Variants in ODAD2 observed in about 807,000 individuals in gnomAD.
ODAD2 encodes the protein outer dynein arm-docking complex subunit 2.
Under a neutral mutation model 106.8 loss-of-function variants are expected in ODAD2, and 89 were observed. The ratio of observed to expected loss-of-function variants is 0.83; its 90% CI spans 0.70 to 0.99. The LOEUF (loss-of-function observed/expected upper bound fraction) is 0.99, where lower values mean the gene tolerates loss of function less well. Among genes scored for constraint, ODAD2 ranks in the 50% least tolerant of loss-of-function variants. The pLI, the probability that ODAD2 is intolerant of heterozygous loss-of-function variation, is 0.00. For missense variants in ODAD2, 1,168 were observed against 1,238.5 expected, an observed-to-expected ratio of 0.94 and a Z score of 0.85; for synonymous variants, 404 against 436.2, an observed-to-expected ratio of 0.93 and a Z score of 0.92.
At chr10:27,979,445 T>C (rs376635011) in intron 7 of ODAD2, among the ~76,000 whole-genome samples, 1 of 141,838 alleles carries the variant, frequency 7.1e-6, no homozygotes, top group Admixed American at 7.2e-5. Context: ...CACACACCCA[T>C]ACACACACAC....
chr10:27,948,779 A>ATTTTTTTTTTTTTT (rs11451204), intron 10 of ODAD2, among the ~76,000 whole-genome samples: 5 of 40,318 alleles, frequency 1.2e-4, no homozygotes, highest in African/African-American at 3.1e-4. Context: ...TGGCCTTTGG[A>ATTTTTTTTTTTTTT]TTTTTTTTTT....
chr10:27,898,913 TA>T (rs1843013029), intron 17 of ODAD2, among the ~76,000 whole-genome samples: 2 of 152,114 alleles, frequency 1.3e-5, no homozygotes, highest in South Asian at 4.1e-4. Context: ...AAACACACAT[TA>T]CAATTCGCTT....
intron 17 of ODAD2, among the ~76,000 whole-genome samples, chr10:27,906,573 T>C (rs1022988767): frequency 6.6e-6 from 1 of 152,192 alleles, no homozygotes. Context: ...TATATGTTTA[T>C]TGCAGCACTA....
chr10:27,917,856 T>C (rs1844507929), intron 16 of ODAD2, among the ~76,000 whole-genome samples: 1 of 151,848 alleles, frequency 6.6e-6, no homozygotes, highest in Non-Finnish European at 1.5e-5. Context: ...TTATAGAATC[T>C]ACAAAGATTA....
At chr10:27,975,167 A>G (rs537346751) in intron 7 of ODAD2, among the ~76,000 whole-genome samples, 4 of 152,260 alleles carry the variant, frequency 2.6e-5, no homozygotes, top group Non-Finnish European at 5.9e-5. Context: ...CTTGTTTTAT[A>G]TGCTCCAAGT....
At chr10:27,869,845 C>A (rs746493497) in intron 17 of ODAD2, among the ~76,000 whole-genome samples, 7 of 152,042 alleles carry the variant, frequency 4.6e-5, no homozygotes, top group Non-Finnish European at 1.0e-4. Flanking sequence ...GACCAAGTCA[C>A]TTCTAAGGGA....
intron 7 of ODAD2, among the ~76,000 whole-genome samples, chr10:27,972,365 A>G (rs1848918957): frequency 6.6e-6 from 1 of 152,184 alleles, no homozygotes; most frequent in Admixed American, 6.5e-5. Flanking sequence ...AAGGAAAAAA[A>G]CTACAAAGAA....
chr10:27,845,225 G>A (rs1838641640), intron 19 of ODAD2, among the ~76,000 whole-genome samples: 1 of 152,202 alleles, frequency 6.6e-6, no homozygotes, highest in African/African-American at 2.4e-5. Context: ...AGGATCTCTT[G>A]GCAGAAACTA....
intron 17 of ODAD2, among the ~76,000 whole-genome samples, chr10:27,902,579 G>A (rs1843290950): frequency 6.6e-6 from 1 of 151,868 alleles, no homozygotes; most frequent in African/African-American, 2.4e-5. Context: ...AAAGAGAGAA[G>A]AATCAAATAG....
intron 17 of ODAD2, among the ~76,000 whole-genome samples, chr10:27,871,721 G>T (rs183934422): frequency 0.015 from 2,357 of 152,240 alleles, 31 homozygotes; most frequent in Middle Eastern, 0.027. Context: ...CTATATCTCT[G>T]TTTTGGTACC....
chr10:27,938,989 G>T (rs1029350491), intron 14 of ODAD2, among the ~76,000 whole-genome samples: 2 of 152,088 alleles, frequency 1.3e-5, no homozygotes, highest in Non-Finnish European at 2.9e-5. Context: ...AGAAGCAGAC[G>T]TGCACAGTAA....
chr10:27,864,792 T>A (rs893181936), intron 17 of ODAD2, among the ~76,000 whole-genome samples: 1 of 152,108 alleles, frequency 6.6e-6, no homozygotes, highest in Non-Finnish European at 1.5e-5. Context: ...CTTTCTCAAA[T>A]AATAATAATT....
intron 16 of ODAD2, among the ~76,000 whole-genome samples, chr10:27,909,887 G>T (rs1162937791): frequency 2.1e-5 from 3 of 141,720 alleles, no homozygotes; most frequent in Non-Finnish European, 4.6e-5. Context: ...ACAAGAACAT[G>T]ATTGAAAAAC....
At chr10:27,959,084 C>A in intron 10 of ODAD2, 2 of 1,144,292 alleles carry the variant, frequency 1.7e-6, no homozygotes, top group Non-Finnish European at 2.3e-6. Flanking sequence ...TGCCTGTAAT[C>A]CCAGCACTTT....
intron 19 of ODAD2, among the ~76,000 whole-genome samples, chr10:27,827,688 T>C (rs1837176666): frequency 6.6e-6 from 1 of 152,234 alleles, no homozygotes; most frequent in East Asian, 1.9e-4. Context: ...TCTCTCTCCC[T>C]GGACGACTGC....
At chr10:27,925,262 T>A (rs1273627425) in intron 16 of ODAD2, among the ~76,000 whole-genome samples, 4 of 152,110 alleles carry the variant, frequency 2.6e-5, no homozygotes, top group Non-Finnish European at 5.9e-5. Flanking sequence ...TTAATAGGAA[T>A]AAGAAAAAAA....
intron 17 of ODAD2, among the ~76,000 whole-genome samples, chr10:27,885,559 T>A (rs1244732275): frequency 1.9e-4 from 3 of 15,660 alleles, no homozygotes; most frequent in Non-Finnish European, 3.6e-4. Context: ...AATATATAAA[T>A]ATAAATATAT....
At chr10:27,821,781 T>C (rs186478730) in intron 19 of ODAD2, among the ~76,000 whole-genome samples, 3 of 152,346 alleles carry the variant, frequency 2.0e-5, no homozygotes, top group African/African-American at 7.2e-5. Context: ...TTTTTATCTA[T>C]AGACTTTCTT....
At chr10:27,949,774 A>G (rs989403954) in intron 10 of ODAD2, among the ~76,000 whole-genome samples, 3 of 152,152 alleles carry the variant, frequency 2.0e-5, no homozygotes, top group African/African-American at 7.2e-5. Flanking sequence ...GCGTGGATGG[A>G]TGCAGTCAGG....
Sources: allele counts gnomAD v4.1 joint callset (sites outside exome capture counted in the v4.1 genomes callset), GRCh38; gene constraint gnomAD v4.1.1; transcripts MANE v1.5; gene names NCBI Gene and HGNC (gene_info 2026-07-23, HGNC 2026-07-21).